The following ZNF778 variants were observed in gnomAD, a reference collection of about 807,000 sequenced individuals.
ZNF778 encodes zinc finger protein 778.
ZNF778 carries 37 observed loss-of-function variants against 23.9 expected under a neutral mutation model. The ratio of observed to expected loss-of-function variants is 1.54; its 90% CI spans 1.19 to 2.03. ZNF778 has a LOEUF of 2.03. Among genes scored for constraint, ZNF778 ranks in the 30% most tolerant of loss-of-function variants. The pLI, the probability that ZNF778 is intolerant of heterozygous loss-of-function variation, is 0.00. For synonymous variants in ZNF778, 483 were observed against 343.9 expected, an observed-to-expected ratio of 1.40 and a Z score of -4.48; for missense variants, 1,297 against 934.4, an observed-to-expected ratio of 1.39 and a Z score of -5.06.
In ZNF778 at chr16:89,232,455, A is replaced by G; in HGVS notation, c.*3893A>G. On this transcript the variant is annotated 3_prime_UTR_variant, in exon 7 of 7. Coordinates refer to ENST00000433976, the MANE Select transcript of ZNF778 (RefSeq NM_001201407.2). The stretch of plus-strand genomic sequence containing the variant: ...GACTAAGACACCAAGCATGATGGAA[A>G]ACTGGGTTATGGGCAGGACTGCAAG... The G allele has an allele frequency of 2.7e-6, 1 of 370,006 alleles. No individual in the cohort carries two copies. Among genetic ancestry groups the G allele is most frequent in the East Asian group, 8.1e-5 (1 of 12,318 alleles). 22.9% of individuals were successfully genotyped at this position (370,006 alleles called of 1,614,324 possible).
In ZNF778 at chr16:89,234,028, G is replaced by A. The variant is rs145687934; in HGVS notation, c.*5466G>A. On this transcript the variant is annotated 3_prime_UTR_variant, in exon 7 of 7. Transcript: ENST00000433976. The stretch of plus-strand genomic sequence containing the variant: ...TTCCTGTGAAAACCCTGTGGCCTCT[G>A]CCTCCCCTGGCTCTGACTTCTGCCT... The A allele has an allele frequency of 6.3e-4, 643 of 1,019,218 alleles. 3 individuals are homozygous for A. The African/African-American group carries it at 9.6e-3, about 15-fold the overall frequency. The allele number at this position is 1,019,218 out of a possible 1,614,324, so 63.1% of individuals were successfully genotyped here. A position where few individuals can be genotyped will look rare whatever the true frequency, so the allele number is the denominator to read the frequency against.
In ZNF778 at chr16:89,224,819, C is replaced by G; in HGVS notation, c.328+17C>G. ...TTCTCCAAGGTAAGTGTGAAGAGCA[C>G]GCCTGGTCGATGTCAAGTTTAGCAG... On this transcript the variant is annotated intron_variant, in intron 5 of 6. Coordinates refer to ENST00000433976, the MANE Select transcript of ZNF778 (RefSeq NM_001201407.2). The G allele has an allele frequency of 6.7e-7, 1 of 1,490,896 alleles. No individual in the cohort carries two copies. Among genetic ancestry groups the G allele is most frequent in the Non-Finnish European group, 9.0e-7 (1 of 1,108,096 alleles). The allele number at this position is 1,490,896 out of a possible 1,614,324, so 92.4% of individuals were successfully genotyped here.
Position 89,231,554 on chromosome 16 carries a change from G to C in ZNF778, c.*2992G>C, listed in dbSNP as rs1204860513. On this transcript the variant is annotated 3_prime_UTR_variant, in exon 7 of 7. Transcript: ENST00000433976. ...AACCTCCTCAGCAGCGATGCCCATG[G>C]ACTGGGGTTCCTAAGGCACAAATTT... 4.6e-5 allele frequency: 7 copies of C among 152,172 alleles called. No individual in the cohort carries two copies. The highest frequency in any genetic ancestry group is 1.4e-4 in the African/African-American group (6 of 41,424). The allele number at this position is 152,172 out of a possible 1,614,324, so 9.4% of individuals were successfully genotyped here.
rs71395394 is a variant in ZNF778, at chr16:89,232,883, C to A, written c.*4321C>A. 9.9e-6 allele frequency: 12 copies of A among 1,211,672 alleles called. No individual in the cohort carries two copies. The African/African-American group carries it at 1.5e-4, about 15-fold the overall frequency. The allele number at this position is 1,211,672 out of a possible 1,614,324, so 75.1% of individuals were successfully genotyped here. On this transcript the variant is annotated 3_prime_UTR_variant, in exon 7 of 7. Coordinates refer to ENST00000433976, the MANE Select transcript of ZNF778 (RefSeq NM_001201407.2). The stretch of plus-strand genomic sequence containing the variant: ...AAATCAACTCGCACTGCGTATGCAA[C>A]TCAACTCGCACTGCGTATGCAACTC...
In ZNF778 at chr16:89,227,619, C is replaced by G. The variant is rs199965023; in HGVS notation, c.1331C>G (p.Thr444Arg). ...CTTACTAGACACGTACGAACACACA[C>G]GGGCGAGAAGCCATACACGTGTAAG... is the stretch of plus-strand genomic sequence containing the variant. ...CGLTRHVRTH[T>R]GEKPYTCKDC... is the part of the protein sequence containing the mutation. The change falls in exon 7 of 7, where the codon ACG becomes AGG. Residue 444 changes from threonine to arginine, a missense_variant. Transcript: ENST00000433976. 11 of 1,614,010 alleles carry G rather than the reference C, an allele frequency of 6.8e-6. No individual in the cohort carries two copies. The highest frequency in any genetic ancestry group is 9.3e-6 in the Non-Finnish European group (11 of 1,179,988).
At chr16:89,224,872 T>C in intron 5 of ZNF778, 70 bp downstream of exon 5, 1 of 1,106,226 alleles carries the variant, frequency 9.0e-7, no homozygotes, top group Non-Finnish European at 1.3e-6. Context: ...GTGTCAAGTT[T>C]AGCGGCTATG....
intron 6 of ZNF778, among the ~76,000 whole-genome samples, chr16:89,226,015 G>C (rs1026454839): frequency 1.4e-4 from 22 of 151,930 alleles, no homozygotes; most frequent in Middle Eastern, 6.8e-3. Flanking sequence ...GGATTCAAGT[G>C]ATTGTCCTGC....
Position 89,226,763 on chromosome 16 carries a change from G to T in ZNF778, c.475G>T (p.Gly159Cys). The T allele has an allele frequency of 3.1e-6, 5 of 1,614,002 alleles. No homozygotes were observed. The highest frequency in any genetic ancestry group is 4.2e-6 in the Non-Finnish European group (5 of 1,179,892). ...QCGEAFSEHS[G>C]LSTHVRTQNT... ...TGGAGAAGCTTTCAGTGAACACTCA[G>T]GCCTCAGCACACACGTGAGAACTCA... The change falls in exon 7 of 7, where the codon GGC (glycine) becomes TGC (cysteine). Residue 159 changes from glycine to cysteine, a missense_variant. Gly to Cys is a radical substitution (Grantham distance 159, BLOSUM62 -3). Transcript: ENST00000433976.
At chr16:89,221,260 A>G (rs1019843694) in intron 2 of ZNF778, 108 bp downstream of exon 2, 11 of 1,305,002 alleles carry the variant, frequency 8.4e-6, no homozygotes, top group African/African-American at 2.9e-5. Context: ...CCGGGTTCCT[A>G]TTGCAGCTGC....
intron 1 of ZNF778, among the ~76,000 whole-genome samples, chr16:89,219,269 A>G (rs1440658050): frequency 6.6e-6 from 1 of 152,218 alleles, no homozygotes; most frequent in African/African-American, 2.4e-5. Context: ...CTTTTCACCT[A>G]GAACAACCCC....
At position 89,233,757 on chromosome 16, in the gene ZNF778, A is replaced by G. The variant is rs1356317713; in HGVS notation, c.*5195A>G. The G allele has an allele frequency of 3.4e-5, 42 of 1,232,980 alleles. No individual in the cohort carries two copies. The highest frequency in any genetic ancestry group is 9.4e-5 in the African/African-American group (6 of 63,546). 76.4% of individuals were successfully genotyped at this position (1,232,980 alleles called of 1,614,324 possible). ...GCACTGCATATGCAACTCAACTCGC[A>G]CTGCGTATGCAACTCAACTCGCACT... is the stretch of plus-strand genomic sequence containing the variant. On this transcript the variant is annotated 3_prime_UTR_variant, in exon 7 of 7. Coordinates refer to ENST00000433976, the MANE Select transcript of ZNF778 (RefSeq NM_001201407.2).
chr16:89,218,141 C>T (rs4785609), intron 1 of ZNF778: 1 of 152,240 alleles, frequency 6.6e-6, no homozygotes. Context: ...GCCCTCGGGG[C>T]GGGAGGGATG....
At position 89,231,666 on chromosome 16, in the gene ZNF778, A is replaced by G. The variant is rs1338569975; in HGVS notation, c.*3104A>G. The G allele has an allele frequency of 6.6e-6, 1 of 152,102 alleles. No homozygotes were observed. Among genetic ancestry groups the G allele is most frequent in the Non-Finnish European group, 1.5e-5 (1 of 68,042 alleles). 9.4% of individuals were successfully genotyped at this position (152,102 alleles called of 1,614,324 possible). A position where few individuals can be genotyped will look rare whatever the true frequency, so the allele number is the denominator to read the frequency against. ...TCTCAACCAAAACCCACAGCCCTGC[A>G]CCCCTTGCCTGTAGGAAAATCTGGT... On this transcript the variant is annotated 3_prime_UTR_variant, in exon 7 of 7. Coordinates refer to ENST00000433976, the MANE Select transcript of ZNF778 (RefSeq NM_001201407.2).
Position 89,225,559 on chromosome 16 carries a change from G to C in ZNF778, c.333G>C (p.Trp111Cys), listed in dbSNP as rs369968602. 2 of 1,609,066 alleles carry C rather than the reference G, an allele frequency of 1.2e-6. No individual in the cohort carries two copies. The highest frequency in any genetic ancestry group is 1.7e-6 in the Non-Finnish European group (2 of 1,177,264). ...RAGRRAVLQE[W>C]RLKTKGPALR... ...GTCATTCTTCTTTCTTTTCAGAATG[G>C]CGACTTAAAACCAAAGGGCCAGCAC... Residue 111 changes from tryptophan to cysteine, a missense_variant, in exon 6 of 7, where the codon TGG (tryptophan) becomes TGC (cysteine). Coordinates refer to ENST00000433976, the MANE Select transcript of ZNF778 (RefSeq NM_001201407.2).
chr16:89,223,865 C>T (rs867807876), intron 4 of ZNF778, among the ~76,000 whole-genome samples: 3 of 69,936 alleles, frequency 4.3e-5, no homozygotes. Context: ...CAGAGCGAGA[C>T]TCCATCTCAA....
At position 89,228,640 on chromosome 16, in the gene ZNF778, C is replaced by T. The variant is rs552293330; in HGVS notation, c.*78C>T. On this transcript the variant is annotated 3_prime_UTR_variant, in exon 7 of 7. Transcript: ENST00000433976. The stretch of plus-strand genomic sequence containing the variant: ...AAAGACCTCTCGTTCTCCAGATGTC[C>T]ATGACTTGAGGAATGTGGCTAGGCA... 136 of 1,516,118 alleles carry T rather than the reference C, an allele frequency of 9.0e-5. 2 individuals are homozygous for T. The African/African-American group carries it at 1.8e-3, about 20-fold the overall frequency. 93.9% of individuals were successfully genotyped at this position (1,516,118 alleles called of 1,614,324 possible).
chr16:89,224,876 G>A (rs983308043), intron 5 of ZNF778, 74 bp downstream of exon 5: 88 of 1,060,660 alleles, frequency 8.3e-5, no homozygotes, highest in African/African-American at 4.2e-4. Flanking sequence ...CAAGTTTAGC[G>A]GCTATGGAAG....
At position 89,233,501 on chromosome 16, in the gene ZNF778, G is replaced by A. The variant is rs779350203; in HGVS notation, c.*4939G>A. On this transcript the variant is annotated 3_prime_UTR_variant, in exon 7 of 7. Coordinates refer to ENST00000433976, the MANE Select transcript of ZNF778 (RefSeq NM_001201407.2). ...CAACTCACACTGCGTATGCAACTCA[G>A]CTTGCTCTGTGTATGCAACTCAACT... The A allele has an allele frequency of 4.2e-5, 53 of 1,253,838 alleles. No homozygotes were observed. Among genetic ancestry groups the A allele is most frequent in the East Asian group, 4.2e-4 (7 of 16,758 alleles). The allele number at this position is 1,253,838 out of a possible 1,614,324, so 77.7% of individuals were successfully genotyped here. A position where few individuals can be genotyped will look rare whatever the true frequency, so the allele number is the denominator to read the frequency against.
intron 3 of ZNF778, 37 bp downstream of exon 3, chr16:89,222,220 C>T (rs778968126): frequency 1.3e-6 from 2 of 1,497,928 alleles, no homozygotes; most frequent in Non-Finnish European, 9.2e-7. Flanking sequence ...AAATAACATA[C>T]TGGTATTCAG....
Sources: allele counts gnomAD v4.1 joint callset (sites outside exome capture counted in the v4.1 genomes callset), GRCh38; gene constraint gnomAD v4.1.1; transcripts MANE v1.5; gene names NCBI Gene and HGNC (gene_info 2026-07-23, HGNC 2026-07-21).